Variants in DNM2 observed in about 807,000 individuals in gnomAD.
The protein encoded by DNM2 is dynamin-2.
DNM2 carries 15 observed loss-of-function variants against 99.0 expected under a neutral mutation model. That is an observed-to-expected ratio of 0.15 (90% CI 0.10 to 0.23). The LOEUF is 0.23. Ranked by LOEUF, DNM2 falls within the 10% of genes least tolerant of loss-of-function variation. The pLI, the probability that DNM2 is intolerant of heterozygous loss-of-function variation, is 1.00. For synonymous variants in DNM2, 525 were observed against 481.2 expected (o/e 1.09, Z -1.19); for missense variants, 742 against 1,189.4 (o/e 0.62, Z 5.53).
intron 1 of DNM2, among the ~76,000 whole-genome samples, chr19:10,728,861 C>T (rs913081639): frequency 1.3e-5 from 2 of 151,608 alleles, no homozygotes; most frequent in Non-Finnish European, 2.9e-5. Flanking sequence ...GTGGGAGGAT[C>T]TCCTGAGCCC....
chr19:10,738,356 C>T (rs1320157076), intron 1 of DNM2, among the ~76,000 whole-genome samples: 1 of 152,234 alleles, frequency 6.6e-6, no homozygotes. Flanking sequence ...GTGGCTCACG[C>T]CCATAGACCC....
At chr19:10,757,223 C>T (rs2070420778) in intron 1 of DNM2, among the ~76,000 whole-genome samples, 1 of 152,108 alleles carries the variant, frequency 6.6e-6, no homozygotes, top group Non-Finnish European at 1.5e-5. Context: ...CTCATGCAGT[C>T]CAGGCTGCAA....
At chr19:10,729,515 A>C (rs938204245) in intron 1 of DNM2, among the ~76,000 whole-genome samples, 4 of 152,150 alleles carry the variant, frequency 2.6e-5, no homozygotes, top group Non-Finnish European at 5.9e-5. Flanking sequence ...GGGGAACAGC[A>C]TCGCAGGCCA....
intron 12 of DNM2, among the ~76,000 whole-genome samples, chr19:10,804,704 AT>A (rs2146075412): frequency 6.6e-6 from 1 of 152,204 alleles, no homozygotes; most frequent in East Asian, 1.9e-4. Context: ...AAATAAGTAA[AT>A]AAATAGCCCA....
chr19:10,744,240 G>T (rs955040294), intron 1 of DNM2, among the ~76,000 whole-genome samples: 4 of 152,296 alleles, frequency 2.6e-5, no homozygotes, highest in Admixed American at 6.5e-5. Context: ...AGGGAGCCTG[G>T]GGGAGGCTTT....
At position 10,818,630 on chromosome 19, in the gene DNM2, T is replaced by C. The variant is rs1360182992; in HGVS notation, c.1672-1350T>C. Among the ~76,000 whole-genome samples, 1 of 152,198 alleles carries C rather than the reference T, an allele frequency of 6.6e-6. No individual in the cohort carries two copies. The highest frequency in any genetic ancestry group is 1.5e-5 in the Non-Finnish European group (1 of 68,020). ...CTGACAGTCCCAGCTGGCCCCCACT[T>C]GCCAGGGAGCCCCCGCTGCCTTCTC... On this transcript the variant is annotated intron_variant, in intron 15 of 20. Coordinates refer to ENST00000389253, the MANE Select transcript of DNM2 (RefSeq NM_001005361.3). This position sits in a 1 kb window ranked among gnomAD's most constrained non-coding sequence, Gnocchi z 4.3.
At chr19:10,750,502 A>G (rs1319252064) in intron 1 of DNM2, among the ~76,000 whole-genome samples, 4 of 151,952 alleles carry the variant, frequency 2.6e-5, no homozygotes, top group Non-Finnish European at 5.9e-5. Context: ...TTAGCCAAGC[A>G]TGGTGACATA....
rs906782967 is a variant in DNM2 at position 10,816,719 on chromosome 19, C to T, written c.1672-3261C>T. Among the ~76,000 whole-genome samples, 5 of 152,198 alleles carry T rather than the reference C, an allele frequency of 3.3e-5. No homozygotes were observed. Among genetic ancestry groups the T allele is most frequent in the South Asian group, 2.1e-4 (1 of 4,830 alleles). ...GGCTGTGGGGACCTTCCAGGGTCCC[C>T]TGGGTGGGAATGCCAGGCCTGGGGC... is the stretch of plus-strand genomic sequence containing the variant. On this transcript the variant is annotated intron_variant, in intron 15 of 20. Coordinates refer to ENST00000389253, the MANE Select transcript of DNM2 (RefSeq NM_001005361.3). The surrounding 1 kb of genome is among the most constrained non-coding windows in gnomAD (Gnocchi z 4.6).
At chr19:10,810,014 T>A (rs1836563922) in intron 14 of DNM2, 1 of 152,280 alleles carries the variant, frequency 6.6e-6, no homozygotes, top group African/African-American at 2.4e-5. Context: ...TAGGGGTTCC[T>A]CTTTTCCTAC....
intron 2 of DNM2, among the ~76,000 whole-genome samples, chr19:10,760,827 A>ATTTTTTTATTTTTTTT (rs2070600776): frequency 2.4e-5 from 1 of 41,260 alleles, no homozygotes; most frequent in Non-Finnish European, 4.1e-5. Context: ...CACCCAGCTG[A>ATTTTTTTATTTTTTTT]TTTTTTTTTT....
chr19:10,825,488 G>A (rs988665941), intron 18 of DNM2, among the ~76,000 whole-genome samples: 2 of 152,132 alleles, frequency 1.3e-5, no homozygotes, highest in African/African-American at 4.8e-5. Flanking sequence ...GACCAACATG[G>A]TGAAACCCCA....
At chr19:10,737,845 C>A (rs960840689) in intron 1 of DNM2, among the ~76,000 whole-genome samples, 3 of 152,184 alleles carry the variant, frequency 2.0e-5, no homozygotes, top group Admixed American at 6.5e-5. Flanking sequence ...CATGGTAGGG[C>A]GGTGCCCCTG....
chr19:10,720,355 G>C (rs1464622004), intron 1 of DNM2, among the ~76,000 whole-genome samples: 1 of 151,696 alleles, frequency 6.6e-6, no homozygotes, highest in African/African-American at 2.4e-5. Flanking sequence ...TGGGATTACA[G>C]GCGTCTACCA....
intron 1 of DNM2, among the ~76,000 whole-genome samples, chr19:10,734,730 T>G (rs1353610109): frequency 6.6e-6 from 1 of 151,394 alleles, no homozygotes; most frequent in African/African-American, 2.4e-5. Context: ...AAAATTTTTT[T>G]TTTTTATCGA....
intron 7 of DNM2, among the ~76,000 whole-genome samples, chr19:10,787,615 C>T (rs532284161): frequency 1.3e-4 from 19 of 151,468 alleles, no homozygotes; most frequent in Non-Finnish European, 2.4e-4. Flanking sequence ...ATTAGCCGGG[C>T]GCGGTGGTGG....
At chr19:10,824,699 G>T (rs962284712) in intron 17 of DNM2, 1 of 337,298 alleles carries the variant, frequency 3.0e-6, no homozygotes, top group Non-Finnish European at 5.7e-6. Flanking sequence ...TCTACTCCAG[G>T]GCGCTGAGGT....
chr19:10,752,738 T>C (rs2070240058), intron 1 of DNM2, among the ~76,000 whole-genome samples: 1 of 152,196 alleles, frequency 6.6e-6, no homozygotes, highest in South Asian at 2.1e-4. Context: ...AGCAGACCCA[T>C]TTTAATGGAT....
rs985112130 is a variant in DNM2, at chr19:10,816,341, G to A, written c.1672-3639G>A. 1.3e-5 allele frequency among the ~76,000 whole-genome samples: 2 copies of A among 152,100 alleles called. No individual in the cohort carries two copies. Among genetic ancestry groups the A allele is most frequent in the African/African-American group, 2.4e-5 (1 of 41,408 alleles). ...ACCTCAGGAGCCCTGAGGCTTCTGC[G>A]GGACTCTGGGGCGCTGTTTCTAAAC... is the stretch of plus-strand genomic sequence containing the variant. On this transcript the variant is annotated intron_variant, in intron 15 of 20. Transcript: ENST00000389253. The surrounding 1 kb of genome is among the most constrained non-coding windows in gnomAD (Gnocchi z 4.6).
In DNM2 at chr19:10,718,418, C is replaced by A; in HGVS notation, c.161+15C>A. The A allele has an allele frequency of 1.4e-6, 2 of 1,446,922 alleles. No homozygotes were observed. The highest frequency in any genetic ancestry group is 2.8e-5 in the East Asian group (1 of 35,526). The allele number at this position is 1,446,922 out of a possible 1,614,324, so 89.6% of individuals were successfully genotyped here. A position where few individuals can be genotyped will look rare whatever the true frequency, so the allele number is the denominator to read the frequency against. On this transcript the variant is annotated intron_variant, in intron 1 of 20. Transcript: ENST00000389253. Reference sequence around the variant, plus strand: ...TTCGTGGGCCGGTGAGCGGGCGCGGCAGGGATCGCGGGCGGGTGGCGGCCT... The same window carrying A: ...TTCGTGGGCCGGTGAGCGGGCGCGGAAGGGATCGCGGGCGGGTGGCGGCCT...
Sources: gnomAD v4.1 joint callset for allele counts (sites outside exome capture counted in the v4.1 genomes callset) on GRCh38, gnomAD v4.1.1 for gene constraint, Gnocchi (gnomAD v3.1) non-coding constraint, MANE v1.5 for transcripts, NCBI Gene and HGNC (gene_info 2026-07-23, HGNC 2026-07-21) for gene names.